The following NAT10 variants were observed in gnomAD, a reference collection of about 807,000 sequenced individuals.
NAT10 encodes RNA cytidine acetyltransferase.
NAT10 carries 109 observed loss-of-function variants against 132.2 expected under a neutral mutation model. The observed-to-expected ratio is 0.82, with a 90% CI of 0.71 to 0.97. The LOEUF (loss-of-function observed/expected upper bound fraction) is 0.97, where lower values mean the gene tolerates loss of function less well. Ranked by LOEUF, NAT10 falls within the 50% of genes least tolerant of loss-of-function variation. The probability of loss-of-function intolerance (pLI) is 0.00; values close to 1 mark genes in which losing one functional copy is unlikely to be tolerated. For missense variants in NAT10, 1,184 were observed against 1,263.4 expected (o/e 0.94, Z 0.95); for synonymous variants, 479 against 478.0 (o/e 1.00, Z -0.03).
At chr11:34,141,935 A>T in intron 26 of NAT10, 118 bp downstream of exon 26, 1 of 841,882 alleles carries the variant, frequency 1.2e-6, no homozygotes, top group East Asian at 2.6e-5. Flanking sequence ...AATTGAGCTA[A>T]GTGCTATTCT....
intron 28 of NAT10, 152 bp downstream of exon 28, chr11:34,143,680 C>G: frequency 1.5e-6 from 1 of 656,934 alleles, no homozygotes; most frequent in Non-Finnish European, 2.6e-6. Context: ...GGCCATTACC[C>G]TTGCAGTGCA....
rs867498285 is a variant in NAT10, at chr11:34,139,438, C to T, written c.2362C>T (p.Pro788Ser). 1 of 1,614,136 alleles carries T rather than the reference C, an allele frequency of 6.2e-7. No homozygotes were observed. Among genetic ancestry groups the T allele is most frequent in the Non-Finnish European group, 8.5e-7 (1 of 1,180,026 alleles). The part of the protein sequence containing the change: ...LLSYQFSTFS[P>S]SLALNIIQNR... ...CTCCTACCAGTTCAGTACCTTCTCT[C>T]CTTCCCTGGCTCTGAACATCATTCA... The change falls in exon 23 of 29, where the codon CCT (proline) becomes TCT (serine). Residue 788 changes from proline (P) to serine (S), a missense_variant. By Grantham distance (74) the Pro-to-Ser change is moderately conservative. Transcript: ENST00000257829.
At chr11:34,124,793 A>G (rs945645637) in intron 11 of NAT10, among the ~76,000 whole-genome samples, 3 of 152,264 alleles carry the variant, frequency 2.0e-5, no homozygotes, top group Non-Finnish European at 4.4e-5. Context: ...GAACTTTGCA[A>G]AATGTGCTCT....
intron 26 of NAT10, 92 bp downstream of exon 26, chr11:34,141,909 AAG>A: frequency 1.9e-6 from 2 of 1,073,902 alleles, no homozygotes. Flanking sequence ...CCCCTTTAGA[AAG>A]AGTCCTCTGC....
chr11:34,131,686 CTTTCTTTTTTTTTTTT>C (rs1852108527), intron 14 of NAT10, among the ~76,000 whole-genome samples, 155 bp downstream of exon 14: 2 of 129,282 alleles, frequency 1.5e-5, no homozygotes, highest in South Asian at 4.8e-4. Flanking sequence ...TTTTTTTTTT[CTTTCTTTTTTTTTTTT>C]TTGAGATGGA....
Position 34,139,371 on chromosome 11 carries a change from A to G in NAT10, c.2309-14A>G, listed in dbSNP as rs752812335. 1.9e-6 allele frequency: 3 copies of G among 1,612,990 alleles called. No individual in the cohort carries two copies. In the African/African-American group the frequency reaches 4.0e-5, roughly 22 times the overall value. ...GCCTCCAGACCTCTAACTCTGCGTG[A>G]TGGCACCCCACAGATTTCCGACGGC... On this transcript the variant is annotated splice_polypyrimidine_tract_variant and intron_variant, in intron 22 of 28. Transcript: ENST00000257829.
intron 12 of NAT10, among the ~76,000 whole-genome samples, chr11:34,130,482 ATTTT>A (rs1467010631): frequency 6.6e-6 from 1 of 152,052 alleles, no homozygotes; most frequent in African/African-American, 2.4e-5. Context: ...TCCAGTCCTT[ATTTT>A]TTAAGTTCAC....
At position 34,141,069 on chromosome 11, in the gene NAT10, G is replaced by A; in HGVS notation, c.2593-20G>A. 6.2e-7 allele frequency: 1 copy of A among 1,613,954 alleles called. No individual in the cohort carries two copies. The highest frequency in any genetic ancestry group is 8.5e-7 in the Non-Finnish European group (1 of 1,179,960). On this transcript the variant is annotated intron_variant, in intron 24 of 28. Transcript: ENST00000257829. ...AGGGCGTGTCCTAGAGGCCCACCCA[G>A]CAGATTTTCCATCCTTTAGGCTCTT...
Position 34,143,535 on chromosome 11 carries a change from G to C in NAT10, c.2969+7G>C. The stretch of plus-strand genomic sequence containing the variant: ...CGATCATCAGCCTGAAAAGGTGAGG[G>C]CCCAGGGTCTGATGTGCATCTGGCG... On this transcript the variant is annotated splice_region_variant and intron_variant, in intron 28 of 28. Coordinates refer to ENST00000257829, the MANE Select transcript of NAT10 (RefSeq NM_024662.3). 1 of 1,613,090 alleles carries C rather than the reference G, an allele frequency of 6.2e-7. No individual in the cohort carries two copies. Among genetic ancestry groups the C allele is most frequent in the East Asian group, 2.2e-5 (1 of 44,858 alleles).
intron 3 of NAT10, 108 bp from the exon 4 acceptor site, chr11:34,111,944 C>T: frequency 7.5e-7 from 1 of 1,327,958 alleles, no homozygotes; most frequent in African/African-American, 1.5e-5. Context: ...AAGTTCCCTA[C>T]TAGCTCTGAA....
chr11:34,136,587 G>C, intron 19 of NAT10, 55 bp from the exon 20 acceptor site: 1 of 1,608,472 alleles, frequency 6.2e-7, no homozygotes, highest in South Asian at 1.1e-5. Flanking sequence ...GGTGCTTGAC[G>C]ATGTCTCTCT....
intron 11 of NAT10, among the ~76,000 whole-genome samples, chr11:34,126,834 G>A (rs762388489): frequency 5.9e-5 from 9 of 152,208 alleles, no homozygotes; most frequent in Non-Finnish European, 1.2e-4. Context: ...AAACTGAAGA[G>A]GTTGTTTGTA....
chr11:34,128,481 A>G (rs1340918919), intron 12 of NAT10, among the ~76,000 whole-genome samples: 1 of 152,172 alleles, frequency 6.6e-6, no homozygotes, highest in African/African-American at 2.4e-5. Context: ...AACAAGAAAA[A>G]CATTTTTAAT....
intron 12 of NAT10, among the ~76,000 whole-genome samples, chr11:34,128,795 T>C (rs1852047915): frequency 6.6e-6 from 1 of 152,230 alleles, no homozygotes; most frequent in Non-Finnish European, 1.5e-5. Flanking sequence ...TTTTAGAACA[T>C]TTTTATCACC....
intron 4 of NAT10, among the ~76,000 whole-genome samples, chr11:34,113,199 G>A (rs1041139621): frequency 6.6e-6 from 1 of 152,170 alleles, no homozygotes; most frequent in Non-Finnish European, 1.5e-5. Context: ...TTGTCAAACA[G>A]GTTTGAGCTA....
intron 21 of NAT10, among the ~76,000 whole-genome samples, chr11:34,138,653 G>T (rs1359498601): frequency 1.3e-5 from 2 of 152,200 alleles, no homozygotes; most frequent in African/African-American, 4.8e-5. Context: ...GTTCATTTGT[G>T]ACTTGGTGGT....
At chr11:34,128,888 A>G (rs2957513) in intron 12 of NAT10, among the ~76,000 whole-genome samples, 151,051 of 152,338 alleles carry the variant, frequency 0.99, 74,900 homozygotes, top group East Asian at 1. Context: ...TTCTGTACCC[A>G]TAGATTTGCC....
At chr11:34,141,289 T>A in intron 25 of NAT10, 81 bp downstream of exon 25, 1 of 1,573,956 alleles carries the variant, frequency 6.4e-7, no homozygotes, top group Non-Finnish European at 8.6e-7. Context: ...GATGAACACA[T>A]GTTAGCATTT....
At chr11:34,127,621 T>C in intron 12 of NAT10, 22 bp downstream of exon 12, 2 of 1,588,578 alleles carry the variant, frequency 1.3e-6, no homozygotes, top group Non-Finnish European at 1.7e-6. Context: ...TGGGCAGGAG[T>C]CCTTACTCCC....
Sources: allele counts gnomAD v4.1 joint callset (sites outside exome capture counted in the v4.1 genomes callset), GRCh38; gene constraint gnomAD v4.1.1; transcripts MANE v1.5; gene names NCBI Gene and HGNC (gene_info 2026-07-23, HGNC 2026-07-21).